Variants in MTURN observed in about 807,000 individuals in gnomAD.
MTURN encodes the protein maturin, neural progenitor differentiation regulator homolog.
In MTURN, 7 loss-of-function variants were observed where a neutral mutation model predicts 14.9. The observed-to-expected ratio is 0.47, with a 90% CI of 0.27 to 0.88. MTURN has a LOEUF of 0.88. MTURN is among the 40% of genes least tolerant of loss of function. MTURN has a pLI of 0.14. For synonymous variants in MTURN, 69 were observed against 72.5 expected (o/e 0.95, Z 0.25); for missense variants, 151 against 174.1 (o/e 0.87, Z 0.75).
At chr7:30,155,586 A>G (rs1054249459) in intron 2 of MTURN, among the ~76,000 whole-genome samples, 2 of 152,142 alleles carry the variant, frequency 1.3e-5, no homozygotes, top group African/African-American at 4.8e-5. Flanking sequence ...GGGAGCTGAG[A>G]GCGCTCTTCC....
intron 2 of MTURN, among the ~76,000 whole-genome samples, chr7:30,157,185 C>G (rs1000783139): frequency 1.3e-5 from 2 of 152,244 alleles, no homozygotes; most frequent in South Asian, 4.1e-4. Flanking sequence ...ATATGTGGTG[C>G]CACATTTTGA....
chr7:30,141,825 G>C lies in MTURN; in HGVS notation c.163-4352G>C, dbSNP rs527551374. ...GGTGTGAGCCACCAGGCCTGGCCAG[G>C]GATCCATTTTGGATTAAGACACACC... On this transcript the variant is annotated intron_variant, in intron 1 of 2. Coordinates refer to ENST00000324453, the MANE Select transcript of MTURN (RefSeq NM_152793.3). 1.3e-4 allele frequency among the ~76,000 whole-genome samples: 20 copies of C among 152,222 alleles called. No individual in the cohort carries two copies. The South Asian group carries it at 2.9e-3, about 22-fold the overall frequency.
chr7:30,136,184 C>G (rs1583500319), intron 1 of MTURN, among the ~76,000 whole-genome samples: 1 of 152,238 alleles, frequency 6.6e-6, no homozygotes, highest in Non-Finnish European at 1.5e-5. Context: ...ATCCCCTCAG[C>G]CCCGGCTCAG....
In MTURN at chr7:30,146,103, C is replaced by T. The variant is rs189327356; in HGVS notation, c.163-74C>T. 5 of 1,602,362 alleles carry T rather than the reference C, an allele frequency of 3.1e-6. No individual in the cohort carries two copies. The South Asian group carries it at 4.4e-5, about 14-fold the overall frequency. ...GATGTTATTAAGAAAATCTGCTTGG[C>T]TTTTCTGAACTTCACACTGAGTGTA... On this transcript the variant is annotated intron_variant, in intron 1 of 2. Transcript: ENST00000324453.
At chr7:30,150,028 A>T (rs79329652) in intron 2 of MTURN, among the ~76,000 whole-genome samples, 2,900 of 152,328 alleles carry the variant, frequency 0.019, 43 homozygotes, top group Middle Eastern at 0.044. Context: ...GGCTACCCGG[A>T]TTTAAGTCTC....
intron 1 of MTURN, among the ~76,000 whole-genome samples, chr7:30,136,169 G>T (rs1796957026): frequency 6.6e-6 from 1 of 152,226 alleles, no homozygotes; most frequent in Non-Finnish European, 1.5e-5. Context: ...TCCAGATGAC[G>T]GGGAATCCCC....
intron 2 of MTURN, among the ~76,000 whole-genome samples, chr7:30,155,201 C>T (rs1459097783): frequency 6.6e-6 from 1 of 152,196 alleles, no homozygotes; most frequent in East Asian, 1.9e-4. Flanking sequence ...CACTCCCTGT[C>T]AGGTCTGTTA....
intron 1 of MTURN, among the ~76,000 whole-genome samples, chr7:30,144,297 A>G (rs1797096165): frequency 6.6e-6 from 1 of 152,240 alleles, no homozygotes; most frequent in African/African-American, 2.4e-5. Flanking sequence ...TAACTTGGAT[A>G]ATAATTTGAA....
At chr7:30,147,120 A>G (rs948745973) in intron 2 of MTURN, among the ~76,000 whole-genome samples, 7 of 152,330 alleles carry the variant, frequency 4.6e-5, no homozygotes, top group Admixed American at 3.9e-4. Context: ...GTTTCTTTGA[A>G]CATAGTAAGC....
In MTURN at chr7:30,157,600, G is replaced by A. The variant is rs781627381; in HGVS notation, c.*52G>A. On this transcript the variant is annotated 3_prime_UTR_variant, in exon 3 of 3. Transcript: ENST00000324453. ...GTGAGCCCCACAGTAACCTAGGTGGGGTCACTGCCCCTCCTGGGTTAGCAT... is the reference window on the plus strand; with the variant it reads ...GTGAGCCCCACAGTAACCTAGGTGGAGTCACTGCCCCTCCTGGGTTAGCAT... The A allele has an allele frequency of 1.1e-5, 15 of 1,389,320 alleles. No individual in the cohort carries two copies. In the African/African-American group the frequency reaches 1.9e-4, roughly 18 times the overall value. The allele number at this position is 1,389,320 out of a possible 1,614,324, so 86.1% of individuals were successfully genotyped here.
rs1353989224 is a variant in MTURN, at chr7:30,160,305, T to G, written c.*2757T>G. On this transcript the variant is annotated 3_prime_UTR_variant, in exon 3 of 3. Transcript: ENST00000324453. ...CCAAGCCCCTGAGGGCTCGATCTCA[T>G]GGGGCAGATGAAATTCTCTTCCTTA... 3 of 152,316 alleles carry G rather than the reference T, an allele frequency of 2.0e-5. No individual in the cohort carries two copies. The highest frequency in any genetic ancestry group is 2.9e-5 in the Non-Finnish European group (2 of 68,090). 9.4% of individuals were successfully genotyped at this position (152,316 alleles called of 1,614,324 possible).
chr7:30,147,504 G>C (rs914555842), intron 2 of MTURN, among the ~76,000 whole-genome samples: 2 of 152,188 alleles, frequency 1.3e-5, no homozygotes, highest in Non-Finnish European at 2.9e-5. Flanking sequence ...CCAGCTTCAA[G>C]TGGGGATGGT....
At chr7:30,139,619 A>C (rs748771048) in intron 1 of MTURN, among the ~76,000 whole-genome samples, 33 of 152,336 alleles carry the variant, frequency 2.2e-4, no homozygotes, top group Admixed American at 1.6e-3. Flanking sequence ...ACCACTAAGA[A>C]GTGACAGAGC....
intron 2 of MTURN, among the ~76,000 whole-genome samples, chr7:30,147,399 G>A (rs1797144870): frequency 1.3e-5 from 2 of 152,232 alleles, no homozygotes; most frequent in African/African-American, 4.8e-5. Flanking sequence ...TTTAAGTCTT[G>A]TGGTTCTCTG....
At chr7:30,148,216 T>TA (rs777720761) in intron 2 of MTURN, among the ~76,000 whole-genome samples, 1 of 152,196 alleles carries the variant, frequency 6.6e-6, no homozygotes, top group Non-Finnish European at 1.5e-5. Context: ...AGGAAAAACT[T>TA]AGACTACAGA....
At position 30,160,678 on chromosome 7, in the gene MTURN, A is replaced by T. The variant is rs74491879; in HGVS notation, c.*3130A>T. On this transcript the variant is annotated 3_prime_UTR_variant, in exon 3 of 3. Coordinates refer to ENST00000324453, the MANE Select transcript of MTURN (RefSeq NM_152793.3). Reference sequence around the variant, plus strand: ...AAATCCAAAATCATGCCTTGATAACATTACAAAACCGTGATCCTGGGTTTG... The same window carrying T: ...AAATCCAAAATCATGCCTTGATAACTTTACAAAACCGTGATCCTGGGTTTG... 6.6e-6 allele frequency: 1 copy of T among 152,256 alleles called. No homozygotes were observed. Among genetic ancestry groups the T allele is most frequent in the Non-Finnish European group, 1.5e-5 (1 of 68,074 alleles). The allele number at this position is 152,256 out of a possible 1,614,324, so 9.4% of individuals were successfully genotyped here. A position where few individuals can be genotyped will look rare whatever the true frequency, so the allele number is the denominator to read the frequency against.
chr7:30,157,551 C>A lies in MTURN; in HGVS notation c.*3C>A. 2 of 1,594,102 alleles carry A rather than the reference C, an allele frequency of 1.3e-6. No homozygotes were observed. Among genetic ancestry groups the A allele is most frequent in the East Asian group, 2.3e-5 (1 of 43,244 alleles). On this transcript the variant is annotated 3_prime_UTR_variant, in exon 3 of 3. Coordinates refer to ENST00000324453, the MANE Select transcript of MTURN (RefSeq NM_152793.3). ...AGATGGGGGTCAGCCAGCAGTAAAT[C>A]TGGGGGCTCCCCTGAGAAGGAGAGT... is the stretch of plus-strand genomic sequence containing the variant.
At chr7:30,145,998 AT>A in intron 1 of MTURN, 178 bp from the exon 2 acceptor site, 1 of 1,549,240 alleles carries the variant, frequency 6.5e-7, no homozygotes, top group Non-Finnish European at 8.7e-7. Flanking sequence ...TAGATTAGAC[AT>A]TTTTTCTTCC....
chr7:30,143,927 T>G (rs775079247), intron 1 of MTURN, among the ~76,000 whole-genome samples: 1 of 152,264 alleles, frequency 6.6e-6, no homozygotes, highest in Non-Finnish European at 1.5e-5. Context: ...TGTACTTACT[T>G]TTTAACAAAG....
Sources: gnomAD v4.1 joint callset for allele counts (sites outside exome capture counted in the v4.1 genomes callset) on GRCh38, gnomAD v4.1.1 for gene constraint, MANE v1.5 for transcripts, NCBI Gene and HGNC (gene_info 2026-07-23, HGNC 2026-07-21) for gene names.